Variants in KIZ observed in about 807,000 individuals in gnomAD.
KIZ encodes the protein centrosomal protein kizuna.
Under a neutral mutation model 79.6 loss-of-function variants are expected in KIZ, and 68 were observed. That is an observed-to-expected ratio of 0.85 (90% confidence interval 0.70 to 1.05). The LOEUF is 1.05. Among genes scored for constraint, KIZ ranks in the 50% least tolerant of loss-of-function variants. KIZ has a pLI of 0.00. For synonymous variants in KIZ, 280 were observed against 281.8 expected (o/e 0.99, Z 0.06); for missense variants, 797 against 800.4 (o/e 1.00, Z 0.05).
chr20:21,162,384 G>C lies in KIZ; in HGVS notation c.919G>C (p.Glu307Gln). The change falls in exon 5 of 13, where the codon GAA becomes CAA. Residue 307 changes from glutamate (E) to glutamine (Q), a missense_variant. Glu to Gln is a conservative substitution (Grantham distance 29). Transcript: ENST00000619189. ...SGSEGEILTR[E>Q]HIEVEEKRAS... ...ATCAGAGGGAGAAATACTGACACGGGAACATATTGAAGTTGAGGAAAAAAG... is the reference window on the plus strand; with the variant it reads ...ATCAGAGGGAGAAATACTGACACGGCAACATATTGAAGTTGAGGAAAAAAG... The C allele has an allele frequency of 2.5e-6, 4 of 1,613,688 alleles. No homozygotes were observed. The South Asian group carries it at 4.4e-5, about 18-fold the overall frequency.
At chr20:21,228,060 C>T (rs1272828742) in intron 9 of KIZ, among the ~76,000 whole-genome samples, 5 of 151,966 alleles carry the variant, frequency 3.3e-5, no homozygotes, top group Non-Finnish European at 7.4e-5. Context: ...TATTTTTATT[C>T]TTCAGTGTGA....
rs745499416 is a variant in KIZ, at chr20:21,205,540, C to T, written c.1402C>T (p.His468Tyr). 2 of 1,570,450 alleles carry T rather than the reference C, an allele frequency of 1.3e-6. No individual in the cohort carries two copies. Among genetic ancestry groups the T allele is most frequent in the South Asian group, 2.3e-5 (2 of 86,248 alleles). ...CGTACCGAGGGCACAGGTGGGTCAGCATGTTGCCACCTTGAAAGAACATGA... is the reference window on the plus strand; with the variant it reads ...CGTACCGAGGGCACAGGTGGGTCAGTATGTTGCCACCTTGAAAGAACATGA... ...SDVPRAQVGQHVATLKEHDNS... is the reference protein window; with the variant it reads ...SDVPRAQVGQYVATLKEHDNS... Residue 468 changes from histidine to tyrosine, a missense_variant, in exon 7 of 13, where the codon CAT becomes TAT. Physicochemically the swap from His to Tyr is moderately conservative, Grantham distance 83. Coordinates refer to ENST00000619189, the MANE Select transcript of KIZ (RefSeq NM_018474.6).
Position 21,229,016 on chromosome 20 carries a change from G to GT in KIZ, c.1684_1685insT (p.Glu562ValfsTer14). 1 of 1,588,008 alleles carries GT rather than the reference G, an allele frequency of 6.3e-7. No individual in the cohort carries two copies. The highest frequency in any genetic ancestry group is 1.3e-5 in the African/African-American group (1 of 74,374). ...TGTTTTTCTTTAATCAACAGAAACAGAAGCCTATCAGTTGCTGAAGAAGGC... is the reference window on the plus strand; with the variant it reads ...TGTTTTTCTTTAATCAACAGAAACAGTAAGCCTATCAGTTGCTGAAGAAGGC... On this transcript the variant is annotated frameshift_variant, in exon 10 of 13. Coordinates refer to ENST00000619189, the MANE Select transcript of KIZ (RefSeq NM_018474.6). LOFTEE classifies it high-confidence loss of function.
chr20:21,200,493 C>G (rs1402691207), intron 6 of KIZ, among the ~76,000 whole-genome samples: 1 of 151,622 alleles, frequency 6.6e-6, no homozygotes, highest in Admixed American at 6.6e-5. Flanking sequence ...GCTTGTTTTC[C>G]TGCAACTAGA....
At chr20:21,128,622 T>G (rs932078633) in intron 1 of KIZ, among the ~76,000 whole-genome samples, 3 of 152,260 alleles carry the variant, frequency 2.0e-5, no homozygotes, top group Non-Finnish European at 4.4e-5. Context: ...TACAGTGTTT[T>G]TTCTGCATTG....
At chr20:21,200,065 C>T (rs1038291845) in intron 6 of KIZ, among the ~76,000 whole-genome samples, 5 of 152,164 alleles carry the variant, frequency 3.3e-5, no homozygotes, top group African/African-American at 7.2e-5. Flanking sequence ...AAGTGATCTG[C>T]CCACCTCTGC....
At chr20:21,229,237 G>A in intron 10 of KIZ, 122 bp downstream of exon 10, 1 of 622,640 alleles carries the variant, frequency 1.6e-6, no homozygotes, top group Non-Finnish European at 2.9e-6. Context: ...CTGTCACCAG[G>A]ACAGAATGAG....
At chr20:21,160,004 G>A (rs1396031939) in intron 4 of KIZ, among the ~76,000 whole-genome samples, 1 of 152,130 alleles carries the variant, frequency 6.6e-6, no homozygotes, top group Admixed American at 6.5e-5. Flanking sequence ...CCACATCCTG[G>A]ACTACACTCG....
chr20:21,204,684 G>C (rs898572874), intron 6 of KIZ, among the ~76,000 whole-genome samples: 2 of 151,988 alleles, frequency 1.3e-5, no homozygotes, highest in Admixed American at 1.3e-4. Flanking sequence ...CATCTTGTGC[G>C]TTTCCTGCCC....
intron 1 of KIZ, 176 bp from the exon 2 acceptor site, chr20:21,131,921 T>C (rs1330063870): frequency 3.7e-5 from 18 of 482,942 alleles, no homozygotes; most frequent in Non-Finnish European, 6.3e-5. Context: ...CGTCTGGCAT[T>C]TTCTGCTTCT....
chr20:21,142,503 A>G (rs1471678685), intron 3 of KIZ, among the ~76,000 whole-genome samples: 1 of 151,936 alleles, frequency 6.6e-6, no homozygotes, highest in Admixed American at 6.6e-5. Flanking sequence ...TATTGATGAT[A>G]CTCTTTATTA....
chr20:21,196,933 C>T (rs2035367359), intron 6 of KIZ: 12 of 152,362 alleles, frequency 7.9e-5, no homozygotes, highest in Admixed American at 7.2e-4. Flanking sequence ...ACATAGCCAT[C>T]AACTAGGTCC....
intron 7 of KIZ, among the ~76,000 whole-genome samples, chr20:21,206,241 A>C (rs1600537747): frequency 6.6e-6 from 1 of 152,234 alleles, no homozygotes; most frequent in Non-Finnish European, 1.5e-5. Flanking sequence ...GTACACAGAT[A>C]TCAGCCCAGA....
intron 6 of KIZ, among the ~76,000 whole-genome samples, chr20:21,166,054 C>T (rs565636712): frequency 2.0e-5 from 3 of 152,232 alleles, no homozygotes; most frequent in Non-Finnish European, 4.4e-5. Flanking sequence ...GCAACCTCCA[C>T]CTCCTGGGTT....
At position 21,126,192 on chromosome 20, in the gene KIZ, G is replaced by A; in HGVS notation, c.77G>A (p.Gly26Glu). The change falls in exon 1 of 13, where the codon GGG becomes GAG. Residue 26 changes from glycine (G) to glutamate (E), a missense_variant. By Grantham distance (98) the Gly-to-Glu change is moderately conservative. Transcript: ENST00000619189. ...YYERLGQLQH[G>E]LRDSEKKRLD... is the part of the protein sequence containing the mutation. The stretch of plus-strand genomic sequence containing the variant: ...GAGAGGCTGGGCCAACTCCAGCACG[G>A]GCTGCGGGACAGGTAAGGGCACTGG... 6.7e-7 allele frequency: 1 copy of A among 1,485,294 alleles called. No homozygotes were observed. Among genetic ancestry groups the A allele is most frequent in the Non-Finnish European group, 9.0e-7 (1 of 1,113,470 alleles). The allele number at this position is 1,485,294 out of a possible 1,614,324, so 92.0% of individuals were successfully genotyped here.
intron 4 of KIZ, among the ~76,000 whole-genome samples, chr20:21,157,035 G>T (rs775637093): frequency 1.3e-5 from 2 of 152,098 alleles, no homozygotes; most frequent in Non-Finnish European, 2.9e-5. Flanking sequence ...GAGGCAGGAG[G>T]GTCACTTGAG....
chr20:21,147,402 TA>T (rs2032902993), intron 4 of KIZ, among the ~76,000 whole-genome samples: 1 of 152,224 alleles, frequency 6.6e-6, no homozygotes, highest in South Asian at 2.1e-4. Context: ...TTCAACCAAT[TA>T]AAAGGTAAAT....
intron 4 of KIZ, among the ~76,000 whole-genome samples, chr20:21,149,210 A>G (rs1452195892): frequency 2.6e-5 from 4 of 152,224 alleles, no homozygotes; most frequent in Admixed American, 2.6e-4. Flanking sequence ...CCTTGCAGCA[A>G]TGCCCTCTAA....
At chr20:21,216,319 T>C (rs2036292690) in intron 9 of KIZ, among the ~76,000 whole-genome samples, 1 of 152,194 alleles carries the variant, frequency 6.6e-6, no homozygotes, top group Non-Finnish European at 1.5e-5. Context: ...CATTATAAAT[T>C]CAAAGGTCTG....
Sources: gnomAD v4.1 joint callset for allele counts (sites outside exome capture counted in the v4.1 genomes callset) on GRCh38, gnomAD v4.1.1 for gene constraint, MANE v1.5 for transcripts, NCBI Gene and HGNC (gene_info 2026-07-23, HGNC 2026-07-21) for gene names.